Variants in SIPA1L2 observed in about 807,000 individuals in gnomAD.
SIPA1L2 encodes signal-induced proliferation-associated 1-like protein 2.
SIPA1L2 carries 56 observed loss-of-function variants against 163.9 expected under a neutral mutation model. The observed-to-expected ratio is 0.34, with a 90% CI of 0.28 to 0.43. The LOEUF is 0.43. Ranked by LOEUF, SIPA1L2 falls within the 20% of genes least tolerant of loss-of-function variation. The pLI is 1.00. For missense variants in SIPA1L2, 1,974 were observed against 2,193.5 expected (o/e 0.90, Z 2.00); for synonymous variants, 877 against 865.7 (o/e 1.01, Z -0.23).
chr1:232,468,312 A>G (rs576152956), intron 8 of SIPA1L2, among the ~76,000 whole-genome samples: 1 of 152,350 alleles, frequency 6.6e-6, no homozygotes, highest in South Asian at 2.1e-4. Context: ...AAAAGCAAAC[A>G]GAAAGATAAG....
rs1558271292 is a variant in SIPA1L2, at chr1:232,564,234, TCGTGTGTGTGTGTGTGTG to T, written c.-270+9922_-270+9939del. Among the ~76,000 whole-genome samples, 16 of 45,530 alleles carry T rather than the reference TCGTGTGTGTGTGTGTGTG, an allele frequency of 3.5e-4. 1 individual carries two copies. The South Asian group carries it at 5.9e-3, about 17-fold the overall frequency. 29.9% of individuals were successfully genotyped at this position (45,530 alleles called of 152,430 possible). On this transcript the variant is annotated intron_variant, in intron 2 of 22. Transcript: ENST00000674635. ...TGAACGACAAAGGTTTTTTTTTTTT[TCGTGTGTGTGTGTGTGTG>T]TGTGTGTGTGTGTGTGTGTGTGTGT...
chr1:232,513,721 G>C, intron 3 of SIPA1L2, 136 bp downstream of exon 3: 1 of 871,620 alleles, frequency 1.1e-6, no homozygotes. Flanking sequence ...GACCATGATG[G>C]AGAACAAGGT....
At chr1:232,487,417 A>T (rs1383162269) in intron 5 of SIPA1L2, among the ~76,000 whole-genome samples, 1 of 152,206 alleles carries the variant, frequency 6.6e-6, no homozygotes, top group Non-Finnish European at 1.5e-5. Context: ...GTTGAAACAA[A>T]TCTGATATTT....
At chr1:232,571,132 A>C (rs1188879654) in intron 2 of SIPA1L2, among the ~76,000 whole-genome samples, 1 of 152,218 alleles carries the variant, frequency 6.6e-6, no homozygotes, top group African/African-American at 2.4e-5. Flanking sequence ...ATAGAGATTT[A>C]AAATATCAGT....
intron 21 of SIPA1L2, chr1:232,402,879 T>C (rs755292861): frequency 1.9e-4 from 33 of 173,826 alleles, no homozygotes; most frequent in Admixed American, 5.5e-4. Flanking sequence ...CCAAGTTCTA[T>C]ATTCAGCTCA....
chr1:232,552,889 A>G (rs1005349272), intron 2 of SIPA1L2, among the ~76,000 whole-genome samples: 1 of 152,168 alleles, frequency 6.6e-6, no homozygotes, highest in African/African-American at 2.4e-5. Context: ...GCATGCACAC[A>G]GGCAGGTGCA....
intron 10 of SIPA1L2, among the ~76,000 whole-genome samples, chr1:232,459,655 G>A (rs1453318272): frequency 6.6e-6 from 1 of 151,920 alleles, no homozygotes; most frequent in African/African-American, 2.4e-5. Context: ...TGGGACTACA[G>A]GTGCACACTA....
chr1:232,422,545 A>G (rs927122364), intron 18 of SIPA1L2, among the ~76,000 whole-genome samples: 8 of 152,288 alleles, frequency 5.3e-5, no homozygotes, highest in African/African-American at 1.9e-4. Flanking sequence ...CTCCCTCCAA[A>G]TTATAAACAA....
chr1:232,564,342 G>A (rs1362222979), intron 2 of SIPA1L2, among the ~76,000 whole-genome samples: 1 of 148,988 alleles, frequency 6.7e-6, no homozygotes, highest in East Asian at 2.0e-4. Flanking sequence ...TTGGCTCGCT[G>A]CAACTTCTTA....
chr1:232,469,487 G>A (rs1244224051), intron 8 of SIPA1L2, among the ~76,000 whole-genome samples: 1 of 152,172 alleles, frequency 6.6e-6, no homozygotes, highest in Non-Finnish European at 1.5e-5. Context: ...GATTACTCAA[G>A]ATTATTATTG....
At chr1:232,547,252 T>A (rs568953419) in intron 2 of SIPA1L2, among the ~76,000 whole-genome samples, 83 of 152,182 alleles carry the variant, frequency 5.5e-4, no homozygotes, top group Middle Eastern at 6.8e-3. Context: ...AAATCCAGCA[T>A]TTTTTATGCA....
intron 2 of SIPA1L2, among the ~76,000 whole-genome samples, chr1:232,522,132 A>G (rs1667484998): frequency 6.6e-6 from 1 of 152,084 alleles, no homozygotes; most frequent in South Asian, 2.1e-4. Context: ...CTTCATCTTG[A>G]CTGCCACGAC....
chr1:232,564,160 GTGTGTGTGTGT>G, intron 2 of SIPA1L2, among the ~76,000 whole-genome samples: 1 of 35,562 alleles, frequency 2.8e-5, no homozygotes, highest in Non-Finnish European at 5.6e-5. Flanking sequence ...GTGTGTGTGT[GTGTGTGTGTGT>G]GTGTGTGTGT....
chr1:232,457,494 C>T (rs1663989946), intron 10 of SIPA1L2, among the ~76,000 whole-genome samples: 1 of 152,138 alleles, frequency 6.6e-6, no homozygotes, highest in Admixed American at 6.5e-5. Flanking sequence ...GAAACACACA[C>T]ATGCATATAC....
Position 232,465,002 on chromosome 1 carries a change from C to T in SIPA1L2, c.2658G>A (p.Lys886=), listed in dbSNP as rs2102929004. 1.2e-6 allele frequency: 2 copies of T among 1,614,154 alleles called. No individual in the cohort carries two copies. Among genetic ancestry groups the T allele is most frequent in the East Asian group, 2.2e-5 (1 of 44,892 alleles). The part of the protein sequence containing the change: ...ISNEFIMLIE[K]DSKNVVFNCS... Reference sequence around the variant, plus strand: ...AGTTGAATACAACATTCTTGGAATCCTTTTCAATCAACATGATGAACTCAT... The same window carrying T: ...AGTTGAATACAACATTCTTGGAATCTTTTTCAATCAACATGATGAACTCAT... The change falls in exon 9 of 23, where the codon AAG becomes AAA. Residue 886 remains lysine (K), a synonymous_variant. Transcript: ENST00000674635. This position sits in a 1 kb window ranked among gnomAD's most constrained non-coding sequence, Gnocchi z 4.1.
chr1:232,469,782 T>C (rs1223754275), intron 8 of SIPA1L2, among the ~76,000 whole-genome samples: 2 of 151,906 alleles, frequency 1.3e-5, no homozygotes, highest in Non-Finnish European at 2.9e-5. Context: ...AACATTTAAT[T>C]AGATTCAAAA....
At chr1:232,466,765 T>C (rs1197346717) in intron 8 of SIPA1L2, among the ~76,000 whole-genome samples, 2 of 152,128 alleles carry the variant, frequency 1.3e-5, no homozygotes, top group African/African-American at 4.8e-5. Flanking sequence ...CACTCCAGCC[T>C]GGGCGACAAA....
chr1:232,546,522 G>C (rs1342194536), intron 2 of SIPA1L2, among the ~76,000 whole-genome samples: 1 of 152,132 alleles, frequency 6.6e-6, no homozygotes, highest in Non-Finnish European at 1.5e-5. Flanking sequence ...CAGACAACAT[G>C]GCACTTGACT....
At chr1:232,475,026 A>G (rs1237787202) in intron 7 of SIPA1L2, among the ~76,000 whole-genome samples, 4 of 152,244 alleles carry the variant, frequency 2.6e-5, no homozygotes, top group African/African-American at 9.6e-5. Context: ...GAAGCTCATA[A>G]GAGTCAGAGA....
Sources: allele counts gnomAD v4.1 joint callset (sites outside exome capture counted in the v4.1 genomes callset), GRCh38; gene constraint gnomAD v4.1.1; non-coding constraint Gnocchi (gnomAD v3.1); transcripts MANE v1.5; gene names NCBI Gene and HGNC (gene_info 2026-07-23, HGNC 2026-07-21).